ZAN: variants seen among roughly 807,000 people sequenced by gnomAD.
The protein encoded by ZAN is zonadhesin (gene/pseudogene).
Under a neutral mutation model 286.2 loss-of-function variants are expected in ZAN, and 260 were observed. The observed-to-expected ratio is 0.91, with a 90% confidence interval of 0.82 to 1.01. The LOEUF is 1.01. ZAN is among the 50% of genes least tolerant of loss of function. The pLI is 0.00. For synonymous variants in ZAN, 1,368 were observed against 1,417.5 expected (o/e 0.97, Z 0.79); for missense variants, 3,410 against 3,639.2 (o/e 0.94, Z 1.62).
chr7:100,767,467 GTTTTTTTTTTTTTT>G (rs35803818), intron 25 of ZAN, among the ~76,000 whole-genome samples: 1 of 77,972 alleles, frequency 1.3e-5, no homozygotes, highest in Non-Finnish European at 2.6e-5. Flanking sequence ...GTTTTTTGCC[GTTTTTTTTTTTTTT>G]TTTTTTTTTT....
At chr7:100,783,524 A>C (rs1219570343) in intron 35 of ZAN, among the ~76,000 whole-genome samples, 1 of 150,272 alleles carries the variant, frequency 6.7e-6, no homozygotes, top group Admixed American at 6.7e-5. Context: ...ACCTGAGGTC[A>C]GGAGTTTGAG....
Position 100,775,356 on chromosome 7 carries a change from G to A in ZAN, c.5808G>A (p.Glu1936=). ...SGVGVCQLPG[E]SHYVSFDGSN... ...TGGGAGTGTGTCAGCTCCCAGGGGA[G>A]TCCCACTACGTGAGCTTTGATGGTA... is the stretch of plus-strand genomic sequence containing the variant. The change falls in exon 32 of 48, where the codon GAG becomes GAA. Residue 1936 remains glutamate, a synonymous_variant. Coordinates refer to ENST00000613979, the MANE Select transcript of ZAN (RefSeq NM_003386.3). The A allele has an allele frequency of 1.2e-6, 2 of 1,613,466 alleles. No homozygotes were observed. Among genetic ancestry groups the A allele is most frequent in the Non-Finnish European group, 1.7e-6 (2 of 1,179,748 alleles).
rs751113127 is a variant in ZAN, at chr7:100,747,082, C to T, written c.931+380C>T. On this transcript the variant is annotated intron_variant, in intron 8 of 47. Coordinates refer to ENST00000613979, the MANE Select transcript of ZAN (RefSeq NM_003386.3). ...CTGGTGACAGAGCAAGACTCCCTCT[C>T]AAATAAAAAAGAAAGTTGTGCTGGC... is the stretch of plus-strand genomic sequence containing the variant. Among the ~76,000 whole-genome samples the T allele has an allele frequency of 4.0e-5, 6 of 150,648 alleles. No homozygotes were observed. The South Asian group carries it at 8.4e-4, about 21-fold the overall frequency.
At chr7:100,749,655 T>A (rs10249787) in intron 11 of ZAN, among the ~76,000 whole-genome samples, 26,925 of 101,176 alleles carry the variant, frequency 0.27, 3,576 homozygotes, top group Non-Finnish European at 0.3. Context: ...AAAAAAAATA[T>A]ATATATATAT....
rs757417341 is a variant in ZAN at position 100,758,589 on chromosome 7, G to A, written c.3510G>A (p.Arg1170=). The change falls in exon 17 of 48, where the codon AGG becomes AGA. Residue 1170 remains arginine, a synonymous_variant. Coordinates refer to ENST00000613979, the MANE Select transcript of ZAN (RefSeq NM_003386.3). The stretch of plus-strand genomic sequence containing the variant: ...CTCATTATGTCACCTTTGACGGGAG[G>A]CACTTTGGCTTCATGGGCAAGTGCA... ...GDPHYVTFDG[R]HFGFMGKCTY... 4.5e-6 allele frequency: 7 copies of A among 1,566,586 alleles called. No homozygotes were observed. In the Admixed American group the frequency reaches 1.1e-4, roughly 25 times the overall value.
chr7:100,752,255 C>G lies in ZAN; in HGVS notation c.2150C>G (p.Pro717Arg). Residue 717 changes from proline to arginine, a missense_variant, in exon 14 of 48, where the codon CCC becomes CGC. This residue lies in a region of ZAN where 872 missense variants were observed against 938.9 expected (regional missense o/e 0.93). Coordinates refer to ENST00000613979, the MANE Select transcript of ZAN (RefSeq NM_003386.3). ...AAACCCACCATCTCCCCAGAAAAAC[C>G]CACCATCCCCACAGAAAAACCCACC... ...TEKPTISPEK[P>R]TIPTEKPTIP... is the part of the protein sequence containing the mutation. 6.2e-7 allele frequency: 1 copy of G among 1,607,872 alleles called. No individual in the cohort carries two copies. The highest frequency in any genetic ancestry group is 8.5e-7 in the Non-Finnish European group (1 of 1,177,692).
At chr7:100,755,114 A>C in intron 14 of ZAN, 112 bp from the exon 15 acceptor site, 1 of 1,291,372 alleles carries the variant, frequency 7.7e-7, no homozygotes, top group African/African-American at 1.5e-5. Context: ...TGGCTAAATA[A>C]TATGGTCCTG....
chr7:100,774,831 T>TA lies in ZAN; in HGVS notation c.5780-483dup, dbSNP rs10719145. ...TGACAGAGAGAGACCATGTCTCAAA[T>TA]AAAAAAAAAAAAAATCCTTCCTCCA... On this transcript the variant is annotated intron_variant, in intron 31 of 47. Coordinates refer to ENST00000613979, the MANE Select transcript of ZAN (RefSeq NM_003386.3). Among the ~76,000 whole-genome samples, 1,113 of 144,814 alleles carry TA rather than the reference T, an allele frequency of 7.7e-3. 6 individuals are homozygous for TA. The highest frequency in any genetic ancestry group is 0.011 in the Non-Finnish European group (713 of 65,776).
chr7:100,758,350 G>C lies in ZAN; in HGVS notation c.3451+7G>C. On this transcript the variant is annotated splice_region_variant and intron_variant, in intron 16 of 47. Transcript: ENST00000613979. ...TATGGATGCCACCCCTACGGTGAGA[G>C]CCCCTCCCCATGCTGTCCCTGCCTG... 2 of 1,611,014 alleles carry C rather than the reference G, an allele frequency of 1.2e-6. No homozygotes were observed. The highest frequency in any genetic ancestry group is 1.7e-6 in the Non-Finnish European group (2 of 1,178,566).
At chr7:100,736,725 A>G in intron 4 of ZAN, 84 bp from the exon 5 acceptor site, 1 of 1,463,846 alleles carries the variant, frequency 6.8e-7, no homozygotes. Flanking sequence ...CCAGACCTGG[A>G]TGCCTGGGCT....
Position 100,734,052 on chromosome 7 carries a change from T to C in ZAN, c.-117T>C. On this transcript the variant is annotated 5_prime_UTR_variant, in exon 2 of 48. Coordinates refer to ENST00000613979, the MANE Select transcript of ZAN (RefSeq NM_003386.3). ...AGCTTTTCTGTGTTTCTCTGTTCAT[T>C]CTTCATGGCATCCTTGGAAGGATGC... The C allele has an allele frequency of 1.6e-6, 1 of 632,630 alleles. No individual in the cohort carries two copies. The highest frequency in any genetic ancestry group is 2.8e-5 in the Admixed American group (1 of 35,928). 39.2% of individuals were successfully genotyped at this position (632,630 alleles called of 1,614,324 possible). A position where few individuals can be genotyped will look rare whatever the true frequency, so the allele number is the denominator to read the frequency against.
At chr7:100,754,101 A>T (rs898233307) in intron 14 of ZAN, among the ~76,000 whole-genome samples, 17 of 151,948 alleles carry the variant, frequency 1.1e-4, no homozygotes, top group Admixed American at 1.1e-3. Context: ...GGCTTCTTTC[A>T]CTGAGTGTAA....
At chr7:100,790,271 A>C (rs1811851359) in intron 39 of ZAN, among the ~76,000 whole-genome samples, 1 of 151,826 alleles carries the variant, frequency 6.6e-6, no homozygotes, top group Admixed American at 6.6e-5. Context: ...TTTAAAAAAA[A>C]GTTAATTAAG....
At chr7:100,782,286 A>T (rs1811244692) in intron 35 of ZAN, among the ~76,000 whole-genome samples, 1 of 151,998 alleles carries the variant, frequency 6.6e-6, no homozygotes, top group Admixed American at 6.6e-5. Flanking sequence ...AATAGCTATA[A>T]ATGCTAGCCC....
chr7:100,765,309 G>A, intron 22 of ZAN, 43 bp from the exon 23 acceptor site: 2 of 1,601,890 alleles, frequency 1.2e-6, no homozygotes, highest in Non-Finnish European at 1.7e-6. Context: ...CCAGCCCCGT[G>A]GCTTGTTCGT....
At chr7:100,758,104 A>C in intron 15 of ZAN, 98 bp from the exon 16 acceptor site, 2 of 942,302 alleles carry the variant, frequency 2.1e-6, no homozygotes, top group Non-Finnish European at 1.4e-6. Flanking sequence ...AAATAAATAA[A>C]TAAATAAATA....
At chr7:100,779,392 T>G in intron 34 of ZAN, 54 bp from the exon 35 acceptor site, 2 of 1,505,072 alleles carry the variant, frequency 1.3e-6, no homozygotes, top group African/African-American at 1.4e-5. Context: ...AAAAAAAATT[T>G]TGTGTCATAG....
intron 27 of ZAN, 96 bp from the exon 28 acceptor site, chr7:100,769,784 C>A: frequency 9.2e-7 from 1 of 1,085,782 alleles, no homozygotes; most frequent in Non-Finnish European, 1.3e-6. Context: ...TGGTCTCAAG[C>A]GATCCTCCTG....
Position 100,737,462 on chromosome 7 carries a change from T to C in ZAN, c.613+113T>C, listed in dbSNP as rs1192384374. 33 of 735,368 alleles carry C rather than the reference T, an allele frequency of 4.5e-5. 1 individual carries two copies. The African/African-American group carries it at 5.1e-4, about 11-fold the overall frequency. 45.6% of individuals were successfully genotyped at this position (735,368 alleles called of 1,614,324 possible). ...TGGCTCATGCCTGTAATCCCAGCAC[T>C]TTGGGAGGCCGAGGCGGGCGGATCA... is the stretch of plus-strand genomic sequence containing the variant. On this transcript the variant is annotated intron_variant, in intron 6 of 47. Coordinates refer to ENST00000613979, the MANE Select transcript of ZAN (RefSeq NM_003386.3).
Sources: allele counts gnomAD v4.1 joint callset (sites outside exome capture counted in the v4.1 genomes callset), GRCh38; gene constraint gnomAD v4.1.1; regional missense constraint gnomAD v4.1.1; transcripts MANE v1.5; gene names NCBI Gene and HGNC (gene_info 2026-07-23, HGNC 2026-07-21).